The following TPD52L1 variants were observed in gnomAD, a reference collection of about 807,000 sequenced individuals.
TPD52L1 encodes TPD52 like 1, also known as tumor protein D53.
Under a neutral mutation model 28.7 loss-of-function variants are expected in TPD52L1, and 18 were observed. The observed-to-expected ratio is 0.63, with a 90% CI of 0.43 to 0.93. The LOEUF (loss-of-function observed/expected upper bound fraction) is 0.93. TPD52L1 is among the 40% of genes least tolerant of loss of function. The pLI is 0.00. For synonymous variants in TPD52L1, 75 were observed against 88.8 expected (o/e 0.84, Z 0.88); for missense variants, 203 against 254.8 (o/e 0.80, Z 1.39).
At chr6:125,223,708 CAA>C (rs11294390) in intron 2 of TPD52L1, among the ~76,000 whole-genome samples, 2,156 of 71,258 alleles carry the variant, frequency 0.03, 6 homozygotes, top group Middle Eastern at 0.11. Flanking sequence ...GATTCCATCT[CAA>C]AAAAAAAAAA....
At chr6:125,155,348 A>C (rs1790050876) in intron 1 of TPD52L1, among the ~76,000 whole-genome samples, 1 of 152,222 alleles carries the variant, frequency 6.6e-6, no homozygotes, top group Non-Finnish European at 1.5e-5. Context: ...GTCAAACTGG[A>C]ATCTTTGGAA....
At chr6:125,175,208 C>G (rs1791746119) in intron 1 of TPD52L1, among the ~76,000 whole-genome samples, 1 of 152,008 alleles carries the variant, frequency 6.6e-6, no homozygotes, top group Admixed American at 6.6e-5. Flanking sequence ...AATGACTGTT[C>G]ATGGAGAGCA....
At chr6:125,232,564 G>C (rs1234549843) in intron 3 of TPD52L1, among the ~76,000 whole-genome samples, 1 of 152,164 alleles carries the variant, frequency 6.6e-6, no homozygotes, top group African/African-American at 2.4e-5. Context: ...ATTTTTAGCT[G>C]TCAGAGGATG....
At chr6:125,227,987 AC>A (rs1388953608) in intron 2 of TPD52L1, among the ~76,000 whole-genome samples, 1 of 152,244 alleles carries the variant, frequency 6.6e-6, no homozygotes, top group East Asian at 1.9e-4. Flanking sequence ...AGGCAAATAA[AC>A]AACACACTTT....
chr6:125,212,970 T>C (rs1582939730), intron 1 of TPD52L1, among the ~76,000 whole-genome samples: 1 of 152,236 alleles, frequency 6.6e-6, no homozygotes, highest in Non-Finnish European at 1.5e-5. Context: ...TATAATCAGA[T>C]CTATGATTAT....
intron 3 of TPD52L1, among the ~76,000 whole-genome samples, chr6:125,236,782 T>G: frequency 6.6e-6 from 1 of 152,124 alleles, no homozygotes; most frequent in East Asian, 1.9e-4. Flanking sequence ...CCTCCACCCT[T>G]CCCTGGTTTC....
intron 1 of TPD52L1, among the ~76,000 whole-genome samples, chr6:125,217,921 T>C (rs1222056362): frequency 6.6e-6 from 1 of 152,210 alleles, no homozygotes. Flanking sequence ...ATAGTGATAG[T>C]TCATTCATTT....
intron 1 of TPD52L1, among the ~76,000 whole-genome samples, chr6:125,216,542 T>TG (rs1186274543): frequency 2.5e-5 from 2 of 79,652 alleles, no homozygotes; most frequent in Non-Finnish European, 5.9e-5. Context: ...TATATATATA[T>TG]ATATATATAT....
intron 1 of TPD52L1, among the ~76,000 whole-genome samples, chr6:125,173,650 A>G (rs1562217689): frequency 6.6e-6 from 1 of 151,986 alleles, no homozygotes; most frequent in Non-Finnish European, 1.5e-5. Flanking sequence ...TGCTTTTTAA[A>G]TATATATATA....
At chr6:125,235,127 A>G (rs1189679568) in intron 3 of TPD52L1, among the ~76,000 whole-genome samples, 1 of 150,192 alleles carries the variant, frequency 6.7e-6, no homozygotes, top group African/African-American at 2.4e-5. Flanking sequence ...AATAATAATA[A>G]TAATAAAACA....
Position 125,153,845 on chromosome 6 carries a change from T to A in TPD52L1, c.-107T>A. The A allele has an allele frequency of 7.6e-7, 1 of 1,319,644 alleles. No individual in the cohort carries two copies. 81.7% of individuals were successfully genotyped at this position (1,319,644 alleles called of 1,614,324 possible). ...GCGCTCGCGACACGCGTGCCAGGAG[T>A]GGGAGCGAGCGGCGGGGCCAGCTGC... On this transcript the variant is annotated 5_prime_UTR_variant, in exon 1 of 7. Transcript: ENST00000534000.
chr6:125,229,000 C>T, intron 2 of TPD52L1, 118 bp from the exon 3 acceptor site: 1 of 1,054,304 alleles, frequency 9.5e-7, no homozygotes, highest in South Asian at 1.8e-5. Context: ...GGCAAACCTA[C>T]ACATGGGATT....
At chr6:125,194,023 GTTTTT>G (rs3040726) in intron 1 of TPD52L1, among the ~76,000 whole-genome samples, 4 of 124,072 alleles carry the variant, frequency 3.2e-5, no homozygotes, top group African/African-American at 1.2e-4. Context: ...CTTCTGAATA[GTTTTT>G]TTTTTTTTTT....
intron 1 of TPD52L1, among the ~76,000 whole-genome samples, chr6:125,203,146 G>A (rs1173749973): frequency 6.6e-6 from 1 of 152,024 alleles, no homozygotes; most frequent in African/African-American, 2.4e-5. Flanking sequence ...ACAGAGAGAA[G>A]GATGATTTAA....
At chr6:125,214,526 G>A in intron 1 of TPD52L1, 1 of 870,894 alleles carries the variant, frequency 1.1e-6, no homozygotes, top group Non-Finnish European at 1.4e-6. Context: ...TCCTGGGCTT[G>A]GCTTTTGCTA....
rs146087214 is a variant in TPD52L1 at position 125,188,723 on chromosome 6, G to T, written c.20-31355G>T. ...AGTTGGCTTAGTAACCCACTAAATGGGGTAGTGACCTGCAGTTTGAAAACA... is the reference window on the plus strand; with the variant it reads ...AGTTGGCTTAGTAACCCACTAAATGTGGTAGTGACCTGCAGTTTGAAAACA... On this transcript the variant is annotated intron_variant, in intron 1 of 6. Transcript: ENST00000534000. Among the ~76,000 whole-genome samples, 642 of 152,168 alleles carry T rather than the reference G, an allele frequency of 4.2e-3. 5 individuals are homozygous for T. The highest frequency in any genetic ancestry group is 0.015 in the African/African-American group (619 of 41,512).
chr6:125,250,187 C>A (rs1797178809), intron 4 of TPD52L1, among the ~76,000 whole-genome samples: 1 of 152,182 alleles, frequency 6.6e-6, no homozygotes, highest in Non-Finnish European at 1.5e-5. Context: ...CCTGGGAACT[C>A]CAGCATGACA....
Position 125,248,303 on chromosome 6 carries a change from C to A in TPD52L1, c.306C>A (p.Thr102=). The A allele has an allele frequency of 6.2e-7, 1 of 1,613,974 alleles. No homozygotes were observed. Among genetic ancestry groups the A allele is most frequent in the African/African-American group, 1.3e-5 (1 of 75,012 alleles). Residue 102 remains threonine (T), a synonymous_variant, in exon 4 of 7, where the codon ACC becomes ACA. Coordinates refer to ENST00000534000, the MANE Select transcript of TPD52L1 (RefSeq NM_003287.4). The part of the protein sequence containing the change: ...TTTAYKKTHE[T]LSHAGQKATA... ...CTAGCTACAAGAAAACACATGAAACCCTGAGTCACGCAGGGCAAAAGGCAA... is the reference window on the plus strand; with the variant it reads ...CTAGCTACAAGAAAACACATGAAACACTGAGTCACGCAGGGCAAAAGGCAA...
rs543239237 is a variant in TPD52L1 at position 125,217,069 on chromosome 6, T to C, written c.20-3009T>C. ...TAAGTACACAAAAGAATATTTACAATATAAAGGTAAAGTGGAGAAAATACT... is the reference window on the plus strand; with the variant it reads ...TAAGTACACAAAAGAATATTTACAACATAAAGGTAAAGTGGAGAAAATACT... On this transcript the variant is annotated intron_variant, in intron 1 of 6. Coordinates refer to ENST00000534000, the MANE Select transcript of TPD52L1 (RefSeq NM_003287.4). Among the ~76,000 whole-genome samples, 19 of 152,140 alleles carry C rather than the reference T, an allele frequency of 1.2e-4. No individual in the cohort carries two copies. In the South Asian group the frequency reaches 1.4e-3, roughly 12 times the overall value.
Sources: allele counts gnomAD v4.1 joint callset (sites outside exome capture counted in the v4.1 genomes callset), GRCh38; gene constraint gnomAD v4.1.1; transcripts MANE v1.5; gene names NCBI Gene and HGNC (gene_info 2026-07-23, HGNC 2026-07-21).